The following PAQR5 variants were observed in gnomAD, a reference collection of about 807,000 sequenced individuals.
The protein encoded by PAQR5 is progestin and adipoQ receptor family member 5, also known as membrane progestin receptor gamma.
Under a neutral mutation model 34.5 loss-of-function variants are expected in PAQR5, and 20 were observed. That is an observed-to-expected ratio of 0.58 (90% CI 0.41 to 0.84). The LOEUF is 0.84. Among genes scored for constraint, PAQR5 ranks in the 40% least tolerant of loss-of-function variants. PAQR5 has a pLI of 0.00. For synonymous variants in PAQR5, 131 were observed against 155.6 expected, an observed-to-expected ratio of 0.84 and a Z score of 1.18; for missense variants, 378 against 412.7, an observed-to-expected ratio of 0.92 and a Z score of 0.73.
At chr15:69,305,989 C>T (rs2053707838) in intron 1 of PAQR5, among the ~76,000 whole-genome samples, 1 of 152,136 alleles carries the variant, frequency 6.6e-6, no homozygotes, top group Admixed American at 6.5e-5. Flanking sequence ...CTGGGGGATT[C>T]ATTCCTTCAT....
intron 7 of PAQR5, 59 bp downstream of exon 7, chr15:69,397,623 T>C: frequency 8.7e-7 from 1 of 1,147,094 alleles, no homozygotes; most frequent in South Asian, 1.2e-5. Flanking sequence ...TCAGTTGTTT[T>C]CCTGAGCTTC....
chr15:69,302,157 C>T (rs565497541), intron 1 of PAQR5, among the ~76,000 whole-genome samples: 4 of 152,082 alleles, frequency 2.6e-5, no homozygotes, highest in South Asian at 2.1e-4. Flanking sequence ...CTGCAACCTC[C>T]GCCTCCCGGT....
intron 6 of PAQR5, chr15:69,391,559 C>G: frequency 2.4e-6 from 1 of 423,700 alleles, no homozygotes; most frequent in Non-Finnish European, 4.7e-6. Context: ...CCCCGGAGAC[C>G]TGGGTGCATG....
At chr15:69,325,286 TTAAGCACTGTC>T (rs1375627798) in intron 1 of PAQR5, among the ~76,000 whole-genome samples, 2 of 152,112 alleles carry the variant, frequency 1.3e-5, no homozygotes, top group East Asian at 1.9e-4. Flanking sequence ...CCACTATTTT[TTAAGCACTGTC>T]TATCCCCAGG....
At chr15:69,397,247 G>A in intron 6 of PAQR5, 1 of 681,886 alleles carries the variant, frequency 1.5e-6, no homozygotes, top group Non-Finnish European at 2.7e-6. Flanking sequence ...ATGGTCAGGA[G>A]ATGGTGTCCC....
chr15:69,364,150 A>G (rs1422849196), intron 3 of PAQR5, among the ~76,000 whole-genome samples: 1 of 152,174 alleles, frequency 6.6e-6, no homozygotes, highest in African/African-American at 2.4e-5. Flanking sequence ...ATTATTATGA[A>G]TGAAGGAAGC....
intron 3 of PAQR5, 58 bp downstream of exon 3, chr15:69,360,189 C>T: frequency 3.0e-6 from 4 of 1,337,816 alleles, no homozygotes; most frequent in East Asian, 2.3e-5. Context: ...GGCTTGGCCT[C>T]CGCAATGGGG....
At chr15:69,393,031 C>T (rs932384489) in intron 6 of PAQR5, among the ~76,000 whole-genome samples, 13 of 152,018 alleles carry the variant, frequency 8.6e-5, no homozygotes, top group Non-Finnish European at 1.5e-5. Context: ...ATCCTACGCA[C>T]TCAGCTTCCA....
chr15:69,304,320 C>T (rs1196197245), intron 1 of PAQR5, among the ~76,000 whole-genome samples: 3 of 152,182 alleles, frequency 2.0e-5, no homozygotes, highest in South Asian at 2.1e-4. Context: ...TGGAAAAGTA[C>T]GCCTGTTGCA....
intron 2 of PAQR5, among the ~76,000 whole-genome samples, chr15:69,356,616 C>G (rs2055084679): frequency 6.6e-6 from 1 of 152,150 alleles, no homozygotes; most frequent in Non-Finnish European, 1.5e-5. Flanking sequence ...AACAGAAACT[C>G]TGTGTCCTTT....
At chr15:69,389,508 A>G in intron 5 of PAQR5, 146 bp from the exon 6 acceptor site, 1 of 980,170 alleles carries the variant, frequency 1.0e-6, no homozygotes, top group Non-Finnish European at 1.5e-6. Flanking sequence ...AGGACATCCT[A>G]GAAGGGGGAA....
intron 2 of PAQR5, among the ~76,000 whole-genome samples, chr15:69,359,589 T>C (rs2055179539): frequency 6.6e-6 from 1 of 152,148 alleles, no homozygotes; most frequent in Non-Finnish European, 1.5e-5. Context: ...TTCTATACAA[T>C]GTCTGTAATC....
chr15:69,346,624 T>A (rs2054780626), intron 2 of PAQR5, among the ~76,000 whole-genome samples: 3 of 146,860 alleles, frequency 2.0e-5, no homozygotes, highest in African/African-American at 5.2e-5. Context: ...AGCTGCAATT[T>A]TTTTTTTTTT....
Position 69,350,182 on chromosome 15 carries a change from T to C in PAQR5, c.-115-9784T>C, listed in dbSNP as rs1486993948. 2.6e-5 allele frequency among the ~76,000 whole-genome samples: 4 copies of C among 152,174 alleles called. No homozygotes were observed. In the East Asian group the frequency reaches 5.8e-4, roughly 22 times the overall value. On this transcript the variant is annotated intron_variant, in intron 2 of 8. Transcript: ENST00000395407. ...CTCAGCTCCAACGGCAAAGTGGGTA[T>C]AGTTATGGTTGTGGGCAGCAGAGGC...
At chr15:69,397,421 A>G (rs1382883157) in intron 6 of PAQR5, 47 bp from the exon 7 acceptor site, 13 of 1,290,852 alleles carry the variant, frequency 1.0e-5, no homozygotes, top group Non-Finnish European at 1.5e-5. Flanking sequence ...CAATTTGCTG[A>G]GACTCTTTTC....
At chr15:69,335,653 C>T (rs1352828991) in intron 1 of PAQR5, among the ~76,000 whole-genome samples, 1 of 146,528 alleles carries the variant, frequency 6.8e-6, no homozygotes, top group East Asian at 2.1e-4. Flanking sequence ...AGGTTCAAGC[C>T]ATTCTCCTTA....
At chr15:69,372,910 C>G (rs55853671) in intron 3 of PAQR5, among the ~76,000 whole-genome samples, 3,429 of 152,208 alleles carry the variant, frequency 0.023, 134 homozygotes, top group African/African-American at 0.078. Flanking sequence ...AAAAAACAAA[C>G]AAACAAATAT....
At chr15:69,341,109 T>C (rs1360167708) in intron 2 of PAQR5, among the ~76,000 whole-genome samples, 3 of 152,088 alleles carry the variant, frequency 2.0e-5, no homozygotes, top group Non-Finnish European at 4.4e-5. Context: ...CCACCATCCA[T>C]CTCCACGACT....
chr15:69,318,507 ACT>A lies in PAQR5; in HGVS notation c.-276-18831_-276-18830del, dbSNP rs150686060. On this transcript the variant is annotated intron_variant, in intron 1 of 8. Coordinates refer to ENST00000395407, the MANE Select transcript of PAQR5 (RefSeq NM_017705.4). ...TTTGAGGGCAGCCAACATTTCTGAC[ACT>A]CTGCCCAGCTCAGACCCCAGCACTG... Among the ~76,000 whole-genome samples the A allele has an allele frequency of 2.3e-3, 346 of 152,024 alleles. 3 individuals are homozygous for A. Among genetic ancestry groups the A allele is most frequent in the African/African-American group, 8.2e-3 (340 of 41,458 alleles).
Sources: gnomAD v4.1 joint callset for allele counts (sites outside exome capture counted in the v4.1 genomes callset) on GRCh38, gnomAD v4.1.1 for gene constraint, MANE v1.5 for transcripts, NCBI Gene and HGNC (gene_info 2026-07-23, HGNC 2026-07-21) for gene names.